Variants in ZNF276 observed in about 807,000 individuals in gnomAD.
ZNF276 encodes the protein centromere protein Z.
A neutral mutation model predicts 63.9 loss-of-function variants in ZNF276; 59 were observed. That is an observed-to-expected ratio of 0.92 (90% CI 0.75 to 1.15). The LOEUF is 1.15. Ranked by LOEUF, ZNF276 falls within the 50% of genes most tolerant of loss-of-function variation. ZNF276 has a pLI of 0.00. For synonymous variants in ZNF276, 496 were observed against 348.4 expected (o/e 1.42, Z -4.72); for missense variants, 1,084 against 843.8 (o/e 1.28, Z -3.53).
rs1303179331 is a variant in ZNF276, at chr16:89,739,764, G to A, written c.*1518G>A. The A allele has an allele frequency of 1.0e-5, 15 of 1,476,854 alleles. No homozygotes were observed. Among genetic ancestry groups the A allele is most frequent in the East Asian group, 7.4e-5 (3 of 40,448 alleles). The allele number at this position is 1,476,854 out of a possible 1,614,324, so 91.5% of individuals were successfully genotyped here. A position where few individuals can be genotyped will look rare whatever the true frequency, so the allele number is the denominator to read the frequency against. On this transcript the variant is annotated 3_prime_UTR_variant, in exon 11 of 11. Coordinates refer to ENST00000443381, the MANE Select transcript of ZNF276 (RefSeq NM_001113525.2). Reference sequence around the variant, plus strand: ...CCTCTTGCAGGAGGGTGGGTGTGGTGCAGAGAGAGGCAGTCCCCATGATAG... The same window carrying A: ...CCTCTTGCAGGAGGGTGGGTGTGGTACAGAGAGAGGCAGTCCCCATGATAG...
intron 6 of ZNF276, chr16:89,731,577 C>CAGTT (rs2061653052): frequency 6.6e-6 from 1 of 152,254 alleles, no homozygotes; most frequent in Non-Finnish European, 1.5e-5. Flanking sequence ...AAGAGAAGGG[C>CAGTT]AGTTAGCGAC....
Position 89,738,138 on chromosome 16 carries a change from GAC to G in ZNF276, c.1741_1742del (p.Gln581AspfsTer99). On this transcript the variant is annotated frameshift_variant, in exon 11 of 11. Transcript: ENST00000443381. LOFTEE classifies it low-confidence loss of function (END_TRUNC). ...TACACATGTCCATGGTGCACCCGCT[GAC>G]ACAGACCCAGGACAAGGCCCTGCCC... is the stretch of plus-strand genomic sequence containing the variant. ...NVHMSMVHPL[T>X]QTQDKALPLE... The G allele has an allele frequency of 3.7e-6, 6 of 1,613,676 alleles. No homozygotes were observed. The highest frequency in any genetic ancestry group is 5.1e-6 in the Non-Finnish European group (6 of 1,180,010).
upstream of ZNF276, chr16:89,720,858 C>G (rs763996518): frequency 7.2e-7 from 1 of 1,396,546 alleles, no homozygotes; most frequent in South Asian, 1.6e-5. Flanking sequence ...GCCGCAGCGG[C>G]CATGGCGCCG....
At chr16:89,726,979 G>C (rs904915678) in intron 4 of ZNF276, among the ~76,000 whole-genome samples, 1 of 152,202 alleles carries the variant, frequency 6.6e-6, no homozygotes, top group Non-Finnish European at 1.5e-5. Flanking sequence ...CATCCACCAA[G>C]TCCAGGCTGT....
chr16:89,733,804 G>A (rs1168810047), intron 8 of ZNF276, 117 bp from the exon 9 acceptor site: 1 of 967,060 alleles, frequency 1.0e-6, no homozygotes, highest in East Asian at 2.4e-5. Context: ...AGCCAGTGGT[G>A]TCGCTGGAGG....
At chr16:89,726,934 G>A (rs961415270) in intron 4 of ZNF276, among the ~76,000 whole-genome samples, 4 of 152,200 alleles carry the variant, frequency 2.6e-5, no homozygotes, top group Non-Finnish European at 5.9e-5. Flanking sequence ...ATGAGCCACC[G>A]TGCCTGGCCT....
Position 89,738,427 on chromosome 16 carries a change from C to G in ZNF276, c.*181C>G, listed in dbSNP as rs984981073. On this transcript the variant is annotated 3_prime_UTR_variant, in exon 11 of 11. Transcript: ENST00000443381. ...TGCTCTGGGACCAGTGGTTTATTTTCCCGCAAACGCTGAGTGACTCGGGGC... is the reference window on the plus strand; with the variant it reads ...TGCTCTGGGACCAGTGGTTTATTTTGCCGCAAACGCTGAGTGACTCGGGGC... The G allele has an allele frequency of 1.0e-5, 14 of 1,370,398 alleles. No individual in the cohort carries two copies. Among genetic ancestry groups the G allele is most frequent in the Non-Finnish European group, 1.4e-5 (14 of 1,007,702 alleles). The allele number at this position is 1,370,398 out of a possible 1,614,324, so 84.9% of individuals were successfully genotyped here.
chr16:89,733,122 T>C (rs1275506712), intron 6 of ZNF276, 180 bp from the exon 7 acceptor site: 11 of 637,056 alleles, frequency 1.7e-5, no homozygotes, highest in Non-Finnish European at 3.1e-5. Context: ...TGCTCGCCCC[T>C]GAGGCCTCCT....
intron 4 of ZNF276, 106 bp from the exon 5 acceptor site, chr16:89,727,173 A>T: frequency 1.7e-6 from 2 of 1,186,308 alleles, no homozygotes; most frequent in Non-Finnish European, 2.5e-6. Context: ...AGGGTCAGGG[A>T]CCCCAGTCTC....
intron 6 of ZNF276, among the ~76,000 whole-genome samples, chr16:89,729,612 T>C (rs936496240): frequency 9.2e-5 from 14 of 152,300 alleles, no homozygotes; most frequent in African/African-American, 3.4e-4. Flanking sequence ...GAACCCCGCC[T>C]TGCTTGAGAA....
chr16:89,725,913 C>A (rs2061455397), intron 4 of ZNF276, among the ~76,000 whole-genome samples: 1 of 152,202 alleles, frequency 6.6e-6, no homozygotes, highest in Non-Finnish European at 1.5e-5. Flanking sequence ...TCCCAAAAGG[C>A]TGAGATTATA....
At chr16:89,736,820 C>A (rs923603831) in intron 9 of ZNF276, among the ~76,000 whole-genome samples, 1 of 87,712 alleles carries the variant, frequency 1.1e-5, no homozygotes, top group Non-Finnish European at 2.3e-5. Flanking sequence ...AAAAAGAATC[C>A]CTTGAACCTG....
chr16:89,738,516 C>A lies in ZNF276; in HGVS notation c.*270C>A. 1.9e-6 allele frequency: 3 copies of A among 1,596,216 alleles called. No homozygotes were observed. The highest frequency in any genetic ancestry group is 2.6e-6 in the Non-Finnish European group (3 of 1,167,016). On this transcript the variant is annotated 3_prime_UTR_variant, in exon 11 of 11. Coordinates refer to ENST00000443381, the MANE Select transcript of ZNF276 (RefSeq NM_001113525.2). ...AGCAGTCGAGGAGATTTGTAATCCA[C>A]TTTTTAGTGCAACAAGAGCTCCATG...
rs531602518 is a variant in ZNF276, at chr16:89,721,570, C to T, written c.-71C>T. 1.4e-6 allele frequency: 2 copies of T among 1,411,610 alleles called. No homozygotes were observed. Among genetic ancestry groups the T allele is most frequent in the African/African-American group, 3.0e-5 (2 of 66,470 alleles). The allele number at this position is 1,411,610 out of a possible 1,614,324, so 87.4% of individuals were successfully genotyped here. On this transcript the variant is annotated 5_prime_UTR_variant, in exon 1 of 11. Coordinates refer to ENST00000443381, the MANE Select transcript of ZNF276 (RefSeq NM_001113525.2). The stretch of plus-strand genomic sequence containing the variant: ...TCGCTTCCAGCGCGCCGAGCGGAGC[C>T]TAACGCCGGGTCCTCTAGGAACCTC...
rs767778713 is a variant in ZNF276, at chr16:89,723,390, G to T, written c.687G>T (p.Gln229His). The T allele has an allele frequency of 6.2e-7, 1 of 1,613,064 alleles. No homozygotes were observed. Among genetic ancestry groups the T allele is most frequent in the Non-Finnish European group, 8.5e-7 (1 of 1,180,040 alleles). ...TLSSEYCGVI[Q>H]VVWGCDQGHD... ...CCTCCGAGTACTGCGGCGTCATCCA[G>T]GTCGTGTGGGGCTGCGACCAGGGCC... The change falls in exon 4 of 11, where the codon CAG becomes CAT. Residue 229 changes from glutamine to histidine, a missense_variant. Transcript: ENST00000443381.
chr16:89,721,889 G>T, intron 1 of ZNF276, 44 bp downstream of exon 1: 1 of 1,172,000 alleles, frequency 8.5e-7, no homozygotes, highest in South Asian at 4.2e-5. Context: ...TCGCGGCAGG[G>T]GTTGCTCGTG....
intron 4 of ZNF276, among the ~76,000 whole-genome samples, chr16:89,724,838 C>T (rs796614695): frequency 5.5e-5 from 4 of 73,132 alleles, no homozygotes; most frequent in African/African-American, 1.4e-4. Context: ...ACCTACCTAT[C>T]TATCTTCCTA....
At chr16:89,722,052 C>T (rs2061304485) in intron 1 of ZNF276, among the ~76,000 whole-genome samples, 1 of 152,124 alleles carries the variant, frequency 6.6e-6, no homozygotes, top group Non-Finnish European at 1.5e-5. Context: ...CCCGGCCTCC[C>T]CGGCCGCGGG....
intron 9 of ZNF276, among the ~76,000 whole-genome samples, chr16:89,735,827 G>GTC (rs1216319490): frequency 6.6e-6 from 1 of 151,940 alleles, no homozygotes; most frequent in Non-Finnish European, 1.5e-5. Flanking sequence ...CAATTCTCCT[G>GTC]TCTCAGCCTC....
Sources: gnomAD v4.1 joint callset for allele counts (sites outside exome capture counted in the v4.1 genomes callset) on GRCh38, gnomAD v4.1.1 for gene constraint, MANE v1.5 for transcripts, NCBI Gene and HGNC (gene_info 2026-07-23, HGNC 2026-07-21) for gene names.